Variants in IKZF5 observed in about 807,000 individuals in gnomAD.
IKZF5 encodes the protein zinc finger protein Pegasus.
In IKZF5, 4 loss-of-function variants were observed where a neutral mutation model predicts 30.7. The observed-to-expected ratio is 0.13, with a 90% confidence interval of 0.06 to 0.30. IKZF5 has a LOEUF of 0.30. Among genes scored for constraint, IKZF5 ranks in the 10% least tolerant of loss-of-function variants. IKZF5 has a pLI of 1.00. For synonymous variants in IKZF5, 148 were observed against 179.6 expected, an observed-to-expected ratio of 0.82 and a Z score of 1.41; for missense variants, 348 against 525.5, an observed-to-expected ratio of 0.66 and a Z score of 3.30.
At chr10:122,996,206 T>C (rs778662436) in intron 3 of IKZF5, 30 bp from the exon 4 acceptor site, 14 of 1,581,786 alleles carry the variant, frequency 8.9e-6, no homozygotes, top group Admixed American at 3.4e-5. Flanking sequence ...AAAGAAATTA[T>C]GCATCTCAGA....
Position 122,992,788 on chromosome 10 carries a change from A to G in IKZF5, c.*992T>C, listed in dbSNP as rs1204048212. The G allele has an allele frequency of 6.6e-6, 1 of 152,530 alleles. No homozygotes were observed. The highest frequency in any genetic ancestry group is 6.5e-5 in the Admixed American group (1 of 15,290). 9.4% of individuals were successfully genotyped at this position (152,530 alleles called of 1,614,324 possible). On this transcript the variant is annotated 3_prime_UTR_variant, in exon 5 of 5. Coordinates refer to ENST00000368886, the MANE Select transcript of IKZF5 (RefSeq NM_001372123.1). ...AAGAATCCATTTTGGACATGTTCTC[A>G]GTTTTGTAAATATGACTTCACTATC...
At chr10:122,999,360 C>G (rs1289977021) in intron 2 of IKZF5, among the ~76,000 whole-genome samples, 1 of 62,022 alleles carries the variant, frequency 1.6e-5, no homozygotes, top group Non-Finnish European at 4.9e-5. Flanking sequence ...AGCAAAGGCT[C>G]TTAAGACATA....
At chr10:122,999,927 C>T (rs1004485639) in intron 2 of IKZF5, among the ~76,000 whole-genome samples, 44 of 152,182 alleles carry the variant, frequency 2.9e-4, no homozygotes, top group African/African-American at 9.9e-4. Flanking sequence ...AAGTACAATT[C>T]TCTGGTAAAT....
rs74159948 is a variant in IKZF5 at position 123,001,852 on chromosome 10, G to T, written c.-46-3181C>A. Among the ~76,000 whole-genome samples the T allele has an allele frequency of 3.5e-3, 539 of 152,364 alleles. 1 individual carries two copies. The highest frequency in any genetic ancestry group is 0.012 in the African/African-American group (500 of 41,592). On this transcript the variant is annotated intron_variant, in intron 2 of 4. Coordinates refer to ENST00000368886, the MANE Select transcript of IKZF5 (RefSeq NM_001372123.1). ...AACTGTAGGGTTGAGGAATGAGGGG[G>T]TTCTGCAAAAGCAGATTTTCCAATT...
In IKZF5 at chr10:122,991,101, C is replaced by T. The variant is rs1849148270; in HGVS notation, c.*2679G>A. The T allele has an allele frequency of 6.6e-6, 1 of 151,872 alleles. No individual in the cohort carries two copies. Among genetic ancestry groups the T allele is most frequent in the South Asian group, 2.1e-4 (1 of 4,824 alleles). The allele number at this position is 151,872 out of a possible 1,614,324, so 9.4% of individuals were successfully genotyped here. A position where few individuals can be genotyped will look rare whatever the true frequency, so the allele number is the denominator to read the frequency against. On this transcript the variant is annotated 3_prime_UTR_variant, in exon 5 of 5. Coordinates refer to ENST00000368886, the MANE Select transcript of IKZF5 (RefSeq NM_001372123.1). ...TTCATTTGATAAATATTTTGTAGAA[C>T]TTGAAATGAGGATTTTATCTCTGAG...
Position 122,990,991 on chromosome 10 carries a change from T to C in IKZF5, c.*2789A>G, listed in dbSNP as rs2133367016. 1 of 151,886 alleles carries C rather than the reference T, an allele frequency of 6.6e-6. No individual in the cohort carries two copies. Among genetic ancestry groups the C allele is most frequent in the African/African-American group, 2.4e-5 (1 of 41,414 alleles). 9.4% of individuals were successfully genotyped at this position (151,886 alleles called of 1,614,324 possible). A position where few individuals can be genotyped will look rare whatever the true frequency, so the allele number is the denominator to read the frequency against. On this transcript the variant is annotated 3_prime_UTR_variant, in exon 5 of 5. Transcript: ENST00000368886. Reference sequence around the variant, plus strand: ...AATATGTTCTTTACATCAAAGCACATGTTAACAAAAACAAGTTCTAGAAAG... The same window carrying C: ...AATATGTTCTTTACATCAAAGCACACGTTAACAAAAACAAGTTCTAGAAAG...
intron 2 of IKZF5, among the ~76,000 whole-genome samples, chr10:123,004,330 C>T (rs1219720800): frequency 2.6e-5 from 4 of 152,068 alleles, no homozygotes; most frequent in Non-Finnish European, 5.9e-5. Context: ...TCTGAATATA[C>T]TTTGACAGGC....
At chr10:122,995,930 C>A (rs1300590108) in intron 4 of IKZF5, 64 bp downstream of exon 4, 60 of 1,499,338 alleles carry the variant, frequency 4.0e-5, no homozygotes, top group Middle Eastern at 1.8e-4. Flanking sequence ...GACAAACCAA[C>A]CTGCCCCCCT....
intron 1 of IKZF5, 26 bp downstream of exon 1, chr10:123,008,668 G>A: frequency 2.5e-6 from 1 of 398,982 alleles, no homozygotes; most frequent in South Asian, 2.4e-5. Context: ...CGTCGCCGCC[G>A]TCCGAGCCGG....
chr10:122,999,242 T>G (rs1052174580), intron 2 of IKZF5, among the ~76,000 whole-genome samples: 1 of 152,230 alleles, frequency 6.6e-6, no homozygotes, highest in African/African-American at 2.4e-5. Context: ...CAGTTGCTAC[T>G]AGCCACATAT....
At position 123,007,193 on chromosome 10, in the gene IKZF5, C is replaced by T. The variant is rs1849823778; in HGVS notation, c.-197-17G>A. 6.6e-6 allele frequency: 1 copy of T among 152,166 alleles called. No individual in the cohort carries two copies. Among genetic ancestry groups the T allele is most frequent in the South Asian group, 2.1e-4 (1 of 4,832 alleles). 9.4% of individuals were successfully genotyped at this position (152,166 alleles called of 1,614,324 possible). ...TACAGAGGTCTGCATAAAAAACAAACAGCACACCACAAATCAAAACCTTTA... is the reference window on the plus strand; with the variant it reads ...TACAGAGGTCTGCATAAAAAACAAATAGCACACCACAAATCAAAACCTTTA... On this transcript the variant is annotated splice_polypyrimidine_tract_variant and intron_variant, in intron 1 of 4. Transcript: ENST00000368886.
At chr10:122,996,375 C>G (rs1483379223) in intron 3 of IKZF5, among the ~76,000 whole-genome samples, 199 bp from the exon 4 acceptor site, 4 of 151,968 alleles carry the variant, frequency 2.6e-5, no homozygotes, top group African/African-American at 9.7e-5. Flanking sequence ...ATTCTGAGAA[C>G]CTTTTATTGG....
rs536474823 is a variant in IKZF5 at position 123,001,651 on chromosome 10, G to A, written c.-46-2980C>T. Among the ~76,000 whole-genome samples the A allele has an allele frequency of 2.1e-4, 32 of 152,206 alleles. No individual in the cohort carries two copies. In the East Asian group the frequency reaches 5.8e-3, roughly 28 times the overall value. On this transcript the variant is annotated intron_variant, in intron 2 of 4. Transcript: ENST00000368886. ...ATCAAATGGTTATATGCACGTATGT[G>A]GCTCTGCTTCTGGATTCTCTGTTCT...
At chr10:122,995,153 CA>C (rs1296639628) in intron 4 of IKZF5, among the ~76,000 whole-genome samples, 9 of 151,698 alleles carry the variant, frequency 5.9e-5, no homozygotes. Context: ...AAAAAAAATA[CA>C]AAAAAAGCTT....
rs1849366906 is a variant in IKZF5 at position 122,996,185 on chromosome 10, A to G, written c.134-9T>C. The G allele has an allele frequency of 1.2e-6, 2 of 1,607,376 alleles. No individual in the cohort carries two copies. The highest frequency in any genetic ancestry group is 2.7e-5 in the African/African-American group (2 of 74,796). On this transcript the variant is annotated splice_polypyrimidine_tract_variant and intron_variant, in intron 3 of 4. Coordinates refer to ENST00000368886, the MANE Select transcript of IKZF5 (RefSeq NM_001372123.1). ...ATCACCATCTGTTCCAGCTATAAAC[A>G]AAGTACCGCAAAAGAAATTATGCAT...
rs1014893184 is a variant in IKZF5 at position 122,998,512 on chromosome 10, T to C, written c.114A>G (p.Glu38=). 2 of 1,612,524 alleles carry C rather than the reference T, an allele frequency of 1.2e-6. No individual in the cohort carries two copies. The highest frequency in any genetic ancestry group is 2.7e-5 in the African/African-American group (2 of 74,892). Residue 38 remains glutamate (E), a synonymous_variant, in exon 3 of 5, where the codon GAA becomes GAG. Coordinates refer to ENST00000368886, the MANE Select transcript of IKZF5 (RefSeq NM_001372123.1). ...GTCTACCTCCCTGAAGAGCCTCTGC[T>C]TCTTTGTCCCCACTAACTGATCCAG... ...MISGSVSGDK[E]AEALQGAGTD...
At chr10:123,007,776 G>C (rs1480988603) in intron 1 of IKZF5, among the ~76,000 whole-genome samples, 3 of 152,138 alleles carry the variant, frequency 2.0e-5, no homozygotes, top group African/African-American at 7.2e-5. Context: ...TTTAGCTGTT[G>C]TGACAACACG....
In IKZF5 at chr10:122,997,165, A is replaced by T. The variant is rs989907903; in HGVS notation, c.134-989T>A. 2.0e-5 allele frequency: 3 copies of T among 152,216 alleles called. No homozygotes were observed. In the East Asian group the frequency reaches 5.8e-4, roughly 29 times the overall value. 9.4% of individuals were successfully genotyped at this position (152,216 alleles called of 1,614,324 possible). A position where few individuals can be genotyped will look rare whatever the true frequency, so the allele number is the denominator to read the frequency against. ...TGCTCATAATCAGGAAAATCGGCAA[A>T]TGGCTGGGACTACAACCCTGGTCTC... On this transcript the variant is annotated intron_variant, in intron 3 of 4. Coordinates refer to ENST00000368886, the MANE Select transcript of IKZF5 (RefSeq NM_001372123.1).
At chr10:123,002,382 T>A (rs1454701710) in intron 2 of IKZF5, among the ~76,000 whole-genome samples, 3 of 151,096 alleles carry the variant, frequency 2.0e-5, no homozygotes, top group Admixed American at 2.0e-4. Flanking sequence ...TAGCCGGGCA[T>A]GGCAGCAGGC....
Sources: allele counts gnomAD v4.1 joint callset (sites outside exome capture counted in the v4.1 genomes callset), GRCh38; gene constraint gnomAD v4.1.1; transcripts MANE v1.5; gene names NCBI Gene and HGNC (gene_info 2026-07-23, HGNC 2026-07-21).